The following ADD3 variants were observed in gnomAD, a reference collection of about 807,000 sequenced individuals.
The protein encoded by ADD3 is gamma-adducin.
ADD3 carries 25 observed loss-of-function variants against 80.2 expected under a neutral mutation model. That is an observed-to-expected ratio of 0.31 (90% CI 0.23 to 0.44). The LOEUF (loss-of-function observed/expected upper bound fraction) is 0.44, where lower values mean the gene tolerates loss of function less well. Ranked by LOEUF, ADD3 falls within the 20% of genes least tolerant of loss-of-function variation. ADD3 has a pLI of 1.00. For synonymous variants in ADD3, 284 were observed against 289.6 expected (o/e 0.98, Z 0.20); for missense variants, 829 against 847.5 (o/e 0.98, Z 0.27).
intron 14 of ADD3, 55 bp downstream of exon 14, chr10:110,132,455 C>A: frequency 8.0e-7 from 1 of 1,253,636 alleles, no homozygotes; most frequent in Admixed American, 1.8e-5. Flanking sequence ...GAGTCTGTCC[C>A]TCTGTGTTTT....
intron 1 of ADD3, among the ~76,000 whole-genome samples, chr10:110,051,418 T>A (rs577554350): frequency 6.6e-6 from 1 of 152,338 alleles, no homozygotes; most frequent in South Asian, 2.1e-4. Flanking sequence ...CTCCAAAAGT[T>A]AAACATAATA....
chr10:110,092,819 A>G (rs11813000), intron 1 of ADD3, among the ~76,000 whole-genome samples: 13,348 of 151,918 alleles, frequency 0.088, 1,907 homozygotes, highest in African/African-American at 0.3. Flanking sequence ...TTATCTATAA[A>G]GTTGGGGATA....
At chr10:110,092,636 CT>C (rs912220463) in intron 1 of ADD3, among the ~76,000 whole-genome samples, 2 of 152,126 alleles carry the variant, frequency 1.3e-5, no homozygotes, top group African/African-American at 4.8e-5. Context: ...ACTTACTTGG[CT>C]TATGAAATCA....
intron 3 of ADD3, among the ~76,000 whole-genome samples, chr10:110,114,071 T>C (rs1427383793): frequency 6.6e-6 from 1 of 152,186 alleles, no homozygotes; most frequent in Non-Finnish European, 1.5e-5. Flanking sequence ...CTGGATTCCA[T>C]GGCGGGAACA....
chr10:110,095,708 C>A (rs1848071675), intron 1 of ADD3, among the ~76,000 whole-genome samples: 1 of 151,938 alleles, frequency 6.6e-6, no homozygotes. Context: ...GAGAAATAAC[C>A]AGTTGTCTTT....
chr10:110,014,203 GT>G (rs1852659523), intron 1 of ADD3, among the ~76,000 whole-genome samples: 1 of 152,238 alleles, frequency 6.6e-6, no homozygotes, highest in African/African-American at 2.4e-5. Flanking sequence ...GCCCTAGGAA[GT>G]TAGAGTGAGC....
intron 1 of ADD3, among the ~76,000 whole-genome samples, chr10:110,053,223 A>G (rs1039954628): frequency 2.1e-4 from 32 of 152,230 alleles, no homozygotes; most frequent in African/African-American, 7.5e-4. Flanking sequence ...AGTAATAAAA[A>G]GAATGCTGTT....
intron 6 of ADD3, 81 bp downstream of exon 6, chr10:110,118,817 A>T: frequency 7.3e-7 from 1 of 1,374,630 alleles, no homozygotes; most frequent in East Asian, 2.5e-5. Context: ...ATGCTTTACT[A>T]TCTGCTTTTC....
chr10:110,032,466 G>T (rs1855160559), intron 1 of ADD3, among the ~76,000 whole-genome samples: 1 of 152,162 alleles, frequency 6.6e-6, no homozygotes, highest in South Asian at 2.1e-4. Flanking sequence ...GAAAAAGGGA[G>T]TAAAACCAGA....
chr10:110,128,265 G>A (rs1281295607), intron 12 of ADD3, among the ~76,000 whole-genome samples: 1 of 151,590 alleles, frequency 6.6e-6, no homozygotes, highest in Non-Finnish European at 1.5e-5. Flanking sequence ...AGTATATTAT[G>A]TTAGTTTGGA....
intron 1 of ADD3, among the ~76,000 whole-genome samples, chr10:110,097,920 G>A (rs1455440418): frequency 6.6e-6 from 1 of 151,770 alleles, no homozygotes; most frequent in South Asian, 2.1e-4. Context: ...GACTACAGGC[G>A]CCTGCCACCA....
intron 1 of ADD3, among the ~76,000 whole-genome samples, chr10:110,052,707 T>A (rs191339048): frequency 2.5e-4 from 38 of 152,198 alleles, no homozygotes; most frequent in African/African-American, 9.2e-4. Context: ...CTTTGACAAA[T>A]AGCTTATATC....
chr10:110,056,465 G>A (rs571410284), intron 1 of ADD3, among the ~76,000 whole-genome samples: 39 of 152,304 alleles, frequency 2.6e-4, no homozygotes, highest in African/African-American at 8.9e-4. Flanking sequence ...AATTAAAACT[G>A]TTTTGAAGAT....
intron 1 of ADD3, among the ~76,000 whole-genome samples, chr10:110,019,419 A>G (rs1041528942): frequency 2.0e-5 from 3 of 148,044 alleles, no homozygotes; most frequent in African/African-American, 7.6e-5. Context: ...CAGTGGCGCC[A>G]TCTCGGCTCA....
intron 12 of ADD3, among the ~76,000 whole-genome samples, chr10:110,127,622 TAAG>T (rs1852344358): frequency 6.6e-6 from 1 of 152,136 alleles, no homozygotes; most frequent in Non-Finnish European, 1.5e-5. Context: ...TCTCAAAAAA[TAAG>T]AATAACATAA....
At chr10:110,117,725 AAC>A (rs1005692395) in intron 5 of ADD3, among the ~76,000 whole-genome samples, 1 of 152,026 alleles carries the variant, frequency 6.6e-6, no homozygotes, top group Non-Finnish European at 1.5e-5. Flanking sequence ...GTGTAAAAAA[AAC>A]ACACACGGCC....
chr10:110,097,386 C>G (rs942788452), intron 1 of ADD3, among the ~76,000 whole-genome samples: 2 of 152,176 alleles, frequency 1.3e-5, no homozygotes, highest in African/African-American at 4.8e-5. Flanking sequence ...TTTCCTTTGA[C>G]TGTGTTGAGA....
chr10:110,004,209 C>A (rs112433207), upstream of ADD3, among the ~76,000 whole-genome samples: 3,732 of 151,766 alleles, frequency 0.025, 101 homozygotes, highest in South Asian at 0.13. Flanking sequence ...CAACTAATTT[C>A]TTTTAATTCT....
At chr10:110,068,275 G>A (rs968298617) in intron 1 of ADD3, among the ~76,000 whole-genome samples, 2 of 152,050 alleles carry the variant, frequency 1.3e-5, no homozygotes, top group Non-Finnish European at 2.9e-5. Flanking sequence ...CAATTGTCAT[G>A]AGCTTTTCCA....
Sources: gnomAD v4.1 joint callset for allele counts (sites outside exome capture counted in the v4.1 genomes callset) on GRCh38, gnomAD v4.1.1 for gene constraint, MANE v1.5 for transcripts, NCBI Gene and HGNC (gene_info 2026-07-23, HGNC 2026-07-21) for gene names.